A4GALT: variants seen among roughly 807,000 people sequenced by gnomAD.
A4GALT encodes the protein alpha 1,4-galactosyltransferase (P1PK blood group), also known as lactosylceramide 4-alpha-galactosyltransferase.
For synonymous variants in A4GALT, 257 were observed against 220.7 expected, an observed-to-expected ratio of 1.16 and a Z score of -1.46; for missense variants, 512 against 486.0, an observed-to-expected ratio of 1.05 and a Z score of -0.50.
At chr22:42,696,470 A>G (rs576016974) in intron 1 of A4GALT, among the ~76,000 whole-genome samples, 2 of 151,662 alleles carry the variant, frequency 1.3e-5, no homozygotes, top group East Asian at 1.9e-4. Flanking sequence ...AAAGATGGTG[A>G]CTCCCTTGGG....
intron 1 of A4GALT, among the ~76,000 whole-genome samples, chr22:42,699,873 C>T (rs773891464): frequency 6.6e-6 from 1 of 152,134 alleles, no homozygotes; most frequent in Non-Finnish European, 1.5e-5. Flanking sequence ...AGCAGATGGC[C>T]CCCAGTGTGG....
intron 1 of A4GALT, among the ~76,000 whole-genome samples, chr22:42,714,495 C>A (rs540870359): frequency 9.9e-5 from 15 of 151,510 alleles, no homozygotes; most frequent in Non-Finnish European, 1.8e-4. Context: ...GGATGGTTTG[C>A]GCCCAGAAGA....
chr22:42,709,032 T>C (rs966469083), intron 1 of A4GALT, among the ~76,000 whole-genome samples: 3 of 143,848 alleles, frequency 2.1e-5, no homozygotes, highest in South Asian at 2.2e-4. Context: ...CAGGAACATA[T>C]AGAAAGGAAA....
At chr22:42,698,783 C>G (rs1213733413) in intron 1 of A4GALT, among the ~76,000 whole-genome samples, 2 of 152,162 alleles carry the variant, frequency 1.3e-5, no homozygotes, top group Admixed American at 6.5e-5. Context: ...GATAGGAGTT[C>G]AGCACAAAAT....
rs562366653 is a variant in A4GALT, at chr22:42,715,238, A to G, written c.-188+5559T>C. Among the ~76,000 whole-genome samples, 3 of 152,072 alleles carry G rather than the reference A, an allele frequency of 2.0e-5. No homozygotes were observed. The East Asian group carries it at 5.8e-4, about 29-fold the overall frequency. The stretch of plus-strand genomic sequence containing the variant: ...CCAAGGCAACATTGTCTCCCACCTT[A>G]AGGTAGTTCCTGCCTTCATTTCATA... On this transcript the variant is annotated intron_variant, in intron 1 of 2. Transcript: ENST00000642412.
chr22:42,704,023 C>G (rs1213043911), intron 1 of A4GALT, among the ~76,000 whole-genome samples: 4 of 152,168 alleles, frequency 2.6e-5, no homozygotes, highest in South Asian at 2.1e-4. Context: ...CTCAGACCCC[C>G]CTTGATGTGA....
chr22:42,720,505 T>C lies in A4GALT; in HGVS notation c.-188+292A>G, dbSNP rs986914562. 1.2e-4 allele frequency among the ~76,000 whole-genome samples: 18 copies of C among 152,200 alleles called. 3 individuals are homozygous for C. Among genetic ancestry groups the C allele is most frequent in the Admixed American group, 6.5e-4 (10 of 15,306 alleles). The stretch of plus-strand genomic sequence containing the variant: ...GCCCCGGGACCCAACCGGGTGGGGC[T>C]GCCCTCGAGGGCTCCGGAGCCAGGC... On this transcript the variant is annotated intron_variant, in intron 1 of 2. Coordinates refer to ENST00000642412, the MANE Select transcript of A4GALT (RefSeq NM_017436.7).
At chr22:42,697,976 C>T (rs549834761) in intron 1 of A4GALT, among the ~76,000 whole-genome samples, 2 of 151,198 alleles carry the variant, frequency 1.3e-5, no homozygotes, top group Non-Finnish European at 1.5e-5. Context: ...CATGGCCGGG[C>T]GCGGTGGCTC....
intron 1 of A4GALT, among the ~76,000 whole-genome samples, chr22:42,717,938 T>C (rs573353884): frequency 6.6e-6 from 1 of 152,268 alleles, no homozygotes; most frequent in East Asian, 1.9e-4. Context: ...GTTTCATTTC[T>C]AGGAAATACG....
chr22:42,695,291 A>T (rs1763170702), intron 2 of A4GALT, 200 bp downstream of exon 2: 1 of 152,272 alleles, frequency 6.6e-6, no homozygotes, highest in African/African-American at 2.4e-5. Context: ...AAACCTGGGC[A>T]TAAAGTCAAG....
At chr22:42,694,029 G>GC (rs2146956955) in intron 2 of A4GALT, 32 bp from the exon 3 acceptor site, 1 of 1,301,596 alleles carries the variant, frequency 7.7e-7, no homozygotes, top group Non-Finnish European at 1.1e-6. Context: ...CATCAGGGAG[G>GC]CCGTTGGCAT....
chr22:42,697,778 C>A lies in A4GALT; in HGVS notation c.-187-2147G>T, dbSNP rs130398. Among the ~76,000 whole-genome samples, 37 of 152,152 alleles carry A rather than the reference C, an allele frequency of 2.4e-4. No individual in the cohort carries two copies. In the South Asian group the frequency reaches 7.7e-3, roughly 32 times the overall value. On this transcript the variant is annotated intron_variant, in intron 1 of 2. Transcript: ENST00000642412. ...ATGTCCTGGACCTTGTCAGCTGGGC[C>A]TGGCACACCCCTGCTGCCTGCCCCT...
chr22:42,710,784 G>C (rs1053670183), intron 1 of A4GALT, among the ~76,000 whole-genome samples: 3 of 152,048 alleles, frequency 2.0e-5, no homozygotes, highest in African/African-American at 7.3e-5. Flanking sequence ...CACTTTGGGA[G>C]GCCAAGGCTG....
At chr22:42,704,861 C>T (rs1475524919) in intron 1 of A4GALT, among the ~76,000 whole-genome samples, 1 of 73,854 alleles carries the variant, frequency 1.4e-5, no homozygotes, top group African/African-American at 6.1e-5. Flanking sequence ...GGGCAGCAGA[C>T]ATGGCAATGG....
intron 1 of A4GALT, among the ~76,000 whole-genome samples, chr22:42,715,365 G>C (rs1922078338): frequency 6.6e-6 from 1 of 152,016 alleles, no homozygotes; most frequent in South Asian, 2.1e-4. Context: ...TTACATCTTT[G>C]AGCATGTCCT....
intron 1 of A4GALT, among the ~76,000 whole-genome samples, chr22:42,700,219 G>C (rs1194080331): frequency 6.6e-6 from 1 of 152,206 alleles, no homozygotes; most frequent in Non-Finnish European, 1.5e-5. Flanking sequence ...CAGTCCTAAG[G>C]GGCAGGGGCT....
intron 1 of A4GALT, among the ~76,000 whole-genome samples, chr22:42,709,067 A>ATATATTTTTTTT (rs1180529043): frequency 1.9e-4 from 25 of 128,830 alleles, no homozygotes; most frequent in Middle Eastern, 4.2e-3. Context: ...ATATATATAT[A>ATATATTTTTTTT]TTTTTTTTAA....
chr22:42,706,055 A>C (rs1400179109), intron 1 of A4GALT, among the ~76,000 whole-genome samples: 2 of 110,526 alleles, frequency 1.8e-5, no homozygotes, highest in Non-Finnish European at 4.2e-5. Context: ...ATCTCAAAAA[A>C]AAAAAAAAAA....
At chr22:42,698,120 C>T (rs954769078) in intron 1 of A4GALT, among the ~76,000 whole-genome samples, 4 of 152,108 alleles carry the variant, frequency 2.6e-5, no homozygotes, top group East Asian at 1.9e-4. Context: ...TGATGGTGCA[C>T]GCCTGTAGTC....
Sources: allele counts gnomAD v4.1 joint callset (sites outside exome capture counted in the v4.1 genomes callset), GRCh38; gene constraint gnomAD v4.1.1; transcripts MANE v1.5; gene names NCBI Gene and HGNC (gene_info 2026-07-23, HGNC 2026-07-21).